The following ARL15 variants were observed in gnomAD, a reference collection of about 807,000 sequenced individuals.
The protein encoded by ARL15 is ADP-ribosylation factor-like protein 15.
A neutral mutation model predicts 25.2 loss-of-function variants in ARL15; 19 were observed. The ratio of observed to expected loss-of-function variants is 0.75; its 90% CI spans 0.53 to 1.10. The LOEUF (loss-of-function observed/expected upper bound fraction) is 1.10. Among genes scored for constraint, ARL15 ranks in the 50% least tolerant of loss-of-function variants. ARL15 has a pLI of 0.00. For synonymous variants in ARL15, 94 were observed against 86.8 expected (o/e 1.08, Z -0.46); for missense variants, 220 against 246.0 (o/e 0.89, Z 0.71).
chr5:54,164,469 C>G (rs1272041600), intron 2 of ARL15, among the ~76,000 whole-genome samples: 2 of 151,982 alleles, frequency 1.3e-5, no homozygotes, highest in African/African-American at 2.4e-5. Context: ...ACTGACGTCG[C>G]TGATTGTAAT....
At position 54,285,331 on chromosome 5, in the gene ARL15, G is replaced by T. The variant is rs6894350; in HGVS notation, c.48+25101C>A. On this transcript the variant is annotated intron_variant, in intron 1 of 4. Coordinates refer to ENST00000504924, the MANE Select transcript of ARL15 (RefSeq NM_019087.3). Reference sequence around the variant, plus strand: ...AGAATACTAAATTTGAAATTAATGTGATTACTTACAGTTTATTGTTGTTTT... The same window carrying T: ...AGAATACTAAATTTGAAATTAATGTTATTACTTACAGTTTATTGTTGTTTT... 5.0e-3 allele frequency: 4,397 copies of T among 880,224 alleles called. 182 individuals carry two copies. The African/African-American group carries it at 0.076, about 15-fold the overall frequency. 54.5% of individuals were successfully genotyped at this position (880,224 alleles called of 1,614,324 possible).
At chr5:54,144,419 ATG>A (rs779381668) in intron 3 of ARL15, among the ~76,000 whole-genome samples, 10 of 152,126 alleles carry the variant, frequency 6.6e-5, no homozygotes, top group African/African-American at 9.7e-5. Flanking sequence ...CCTAATTTAT[ATG>A]TGAGTTGTAT....
At chr5:54,003,265 T>C (rs3776715) in intron 4 of ARL15, among the ~76,000 whole-genome samples, 41,955 of 152,020 alleles carry the variant, frequency 0.28, 6,024 homozygotes, top group East Asian at 0.46. Flanking sequence ...GAGAATGGAA[T>C]AATGGAATAA....
chr5:54,074,458 A>G (rs1751526554), intron 4 of ARL15, among the ~76,000 whole-genome samples: 1 of 152,196 alleles, frequency 6.6e-6, no homozygotes, highest in Non-Finnish European at 1.5e-5. Flanking sequence ...CTAATAAACA[A>G]CTGAGAAGAA....
intron 1 of ARL15, among the ~76,000 whole-genome samples, chr5:54,240,210 G>C (rs896504636): frequency 1.4e-5 from 2 of 147,314 alleles, no homozygotes; most frequent in African/African-American, 5.0e-5. Flanking sequence ...CTGGGCGACA[G>C]AGCGAGACTC....
chr5:53,971,671 G>C (rs1377410609), intron 4 of ARL15, among the ~76,000 whole-genome samples: 1 of 151,962 alleles, frequency 6.6e-6, no homozygotes, highest in East Asian at 1.9e-4. Context: ...TTCATATTTG[G>C]TGCACACACA....
At chr5:54,172,471 T>C (rs1429474685) in intron 1 of ARL15, among the ~76,000 whole-genome samples, 1 of 152,112 alleles carries the variant, frequency 6.6e-6, no homozygotes, top group Non-Finnish European at 1.5e-5. Context: ...GAACACTGAA[T>C]ATAGACTGCA....
intron 1 of ARL15, among the ~76,000 whole-genome samples, chr5:54,256,858 C>T (rs887717236): frequency 6.6e-6 from 1 of 152,116 alleles, no homozygotes; most frequent in African/African-American, 2.4e-5. Context: ...TCAATAGACA[C>T]AGAAAAAGCA....
chr5:54,039,975 G>A (rs570863866), intron 4 of ARL15, among the ~76,000 whole-genome samples: 104 of 152,212 alleles, frequency 6.8e-4, no homozygotes, highest in Non-Finnish European at 1.2e-3. Flanking sequence ...AAATTGTATG[G>A]TTGAAACTGT....
chr5:54,097,927 C>A (rs1016653866), intron 4 of ARL15, among the ~76,000 whole-genome samples: 1 of 152,270 alleles, frequency 6.6e-6, no homozygotes, highest in South Asian at 2.1e-4. Flanking sequence ...CATAAATTCA[C>A]AAACACACTC....
intron 1 of ARL15, among the ~76,000 whole-genome samples, chr5:54,198,000 T>A (rs1302617382): frequency 5.9e-5 from 9 of 151,552 alleles, no homozygotes; most frequent in Non-Finnish European, 1.0e-4. Flanking sequence ...TATACGCAAA[T>A]CAATAAATGT....
At chr5:53,998,135 GCTCTA>G (rs1748740379) in intron 4 of ARL15, among the ~76,000 whole-genome samples, 1 of 152,104 alleles carries the variant, frequency 6.6e-6, no homozygotes, top group African/African-American at 2.4e-5. Flanking sequence ...TGAGAGCTGG[GCTCTA>G]CTCAGGCATT....
At chr5:54,094,746 C>A (rs983943709) in intron 4 of ARL15, among the ~76,000 whole-genome samples, 2 of 152,194 alleles carry the variant, frequency 1.3e-5, no homozygotes, top group Admixed American at 6.5e-5. Flanking sequence ...CACTACTCTA[C>A]ATCCAGGACA....
At chr5:53,981,847 C>T (rs1342015369) in intron 4 of ARL15, among the ~76,000 whole-genome samples, 2 of 151,186 alleles carry the variant, frequency 1.3e-5, no homozygotes, top group African/African-American at 4.9e-5. Context: ...TTTTGGTGAG[C>T]TGATATCAGG....
intron 1 of ARL15, among the ~76,000 whole-genome samples, chr5:54,178,727 T>C (rs1323504022): frequency 2.6e-5 from 4 of 152,244 alleles, no homozygotes; most frequent in Non-Finnish European, 4.4e-5. Flanking sequence ...ACACTAAGCG[T>C]TGCTCAATGA....
intron 4 of ARL15, among the ~76,000 whole-genome samples, chr5:53,913,536 A>C (rs1171863728): frequency 6.6e-6 from 1 of 152,086 alleles, no homozygotes; most frequent in Non-Finnish European, 1.5e-5. Context: ...TTTATTACTT[A>C]CTAACTCTTT....
chr5:53,895,897 A>G (rs1436921701), intron 4 of ARL15, among the ~76,000 whole-genome samples: 1 of 152,234 alleles, frequency 6.6e-6, no homozygotes, highest in East Asian at 1.9e-4. Context: ...CATGAATTTT[A>G]TGAATTAAAT....
intron 4 of ARL15, among the ~76,000 whole-genome samples, chr5:53,960,222 A>T (rs375291554): frequency 2.0e-5 from 3 of 152,344 alleles, no homozygotes; most frequent in East Asian, 3.9e-4. Context: ...AAGCTGAAGC[A>T]ATCTAGCTGG....
chr5:54,025,663 T>C (rs937756655), intron 4 of ARL15, among the ~76,000 whole-genome samples: 1 of 152,120 alleles, frequency 6.6e-6, no homozygotes, highest in Non-Finnish European at 1.5e-5. Flanking sequence ...GTTTGTTTGT[T>C]TGTTTGTTTG....
Sources: gnomAD v4.1 joint callset for allele counts (sites outside exome capture counted in the v4.1 genomes callset) on GRCh38, gnomAD v4.1.1 for gene constraint, MANE v1.5 for transcripts, NCBI Gene and HGNC (gene_info 2026-07-23, HGNC 2026-07-21) for gene names.